The following CWH43 variants were observed in gnomAD, a reference collection of about 807,000 sequenced individuals.
The protein encoded by CWH43 is cell wall biogenesis 43 C-terminal homolog.
CWH43 carries 91 observed loss-of-function variants against 85.7 expected under a neutral mutation model. That is an observed-to-expected ratio of 1.06 (90% CI 0.90 to 1.26). The LOEUF (loss-of-function observed/expected upper bound fraction) is 1.26, where lower values mean the gene tolerates loss of function less well. Among genes scored for constraint, CWH43 ranks in the 50% most tolerant of loss-of-function variants. The pLI is 0.00. For missense variants in CWH43, 869 were observed against 839.2 expected, an observed-to-expected ratio of 1.04 and a Z score of -0.44; for synonymous variants, 323 against 293.6, an observed-to-expected ratio of 1.10 and a Z score of -1.02.
chr4:49,052,247 G>A (rs780125252), intron 15 of CWH43, among the ~76,000 whole-genome samples: 7 of 152,088 alleles, frequency 4.6e-5, no homozygotes, highest in Non-Finnish European at 8.8e-5. Context: ...GAAACCGCGG[G>A]CCTTAGGGTC....
At chr4:49,034,702 C>A (rs1416902359) in intron 12 of CWH43, among the ~76,000 whole-genome samples, 1 of 152,092 alleles carries the variant, frequency 6.6e-6, no homozygotes, top group East Asian at 1.9e-4. Context: ...TGGAATCAGA[C>A]AATCTGGTTT....
At chr4:49,020,101 G>C (rs182679860) in intron 9 of CWH43, among the ~76,000 whole-genome samples, 56 of 152,086 alleles carry the variant, frequency 3.7e-4, no homozygotes, top group African/African-American at 1.3e-3. Flanking sequence ...TTTTGGTGCA[G>C]TCATCACCTG....
chr4:48,988,731 T>A, intron 2 of CWH43, 63 bp downstream of exon 2: 1 of 1,009,706 alleles, frequency 9.9e-7, no homozygotes, highest in Non-Finnish European at 1.4e-6. Flanking sequence ...TGAGATTATG[T>A]AGACTGTTCT....
chr4:48,996,800 C>T (rs1205667067), intron 5 of CWH43, among the ~76,000 whole-genome samples: 1 of 152,180 alleles, frequency 6.6e-6, no homozygotes, highest in Non-Finnish European at 1.5e-5. Flanking sequence ...GAAACTTTCT[C>T]ACATATATAA....
chr4:49,052,674 T>C (rs1784835116), intron 15 of CWH43, among the ~76,000 whole-genome samples: 1 of 152,182 alleles, frequency 6.6e-6, no homozygotes, highest in Admixed American at 6.5e-5. Context: ...CCAAACCAAC[T>C]GTGAAGGGAG....
At chr4:48,995,568 A>T (rs1348572803) in intron 5 of CWH43, among the ~76,000 whole-genome samples, 3 of 152,156 alleles carry the variant, frequency 2.0e-5, no homozygotes, top group Non-Finnish European at 2.9e-5. Context: ...CCCAGCAGGG[A>T]TCTGGGCATA....
At chr4:49,022,964 A>G (rs1411958784) in intron 9 of CWH43, among the ~76,000 whole-genome samples, 1 of 152,054 alleles carries the variant, frequency 6.6e-6, no homozygotes, top group Non-Finnish European at 1.5e-5. Context: ...TCAATTTTAT[A>G]TGTCTTTTCA....
At chr4:49,029,005 G>A (rs1282375463) in intron 10 of CWH43, among the ~76,000 whole-genome samples, 3 of 152,134 alleles carry the variant, frequency 2.0e-5, no homozygotes, top group Admixed American at 1.3e-4. Flanking sequence ...GATTCATGTT[G>A]TGTTTTTGTT....
intron 3 of CWH43, among the ~76,000 whole-genome samples, 166 bp from the exon 4 acceptor site, chr4:48,991,770 T>G (rs1455113061): frequency 6.6e-6 from 1 of 152,144 alleles, no homozygotes; most frequent in African/African-American, 2.4e-5. Flanking sequence ...AACTAAAGAA[T>G]TATAGCAAGT....
Position 48,998,462 on chromosome 4 carries a change from G to T in CWH43, c.716G>T (p.Gly239Val). Residue 239 changes from glycine to valine, a missense_variant and splice_region_variant, in exon 6 of 16, where the codon GGT (glycine) becomes GTT (valine). Gly to Val is a moderately radical substitution (Grantham distance 109). Coordinates refer to ENST00000226432, the MANE Select transcript of CWH43 (RefSeq NM_025087.3). ...HPGPDPNPFG[G>V]AVLLCLASGL... ...TTAGAGCATGTCCTTTTTCACAGAG[G>T]TGCAGTACTGCTGTGCTTGGCAAGT... is the stretch of plus-strand genomic sequence containing the variant. The T allele has an allele frequency of 1.2e-6, 2 of 1,612,040 alleles. No homozygotes were observed. The highest frequency in any genetic ancestry group is 1.3e-5 in the African/African-American group (1 of 74,962).
intron 5 of CWH43, among the ~76,000 whole-genome samples, chr4:48,995,708 A>G (rs1040871225): frequency 2.6e-5 from 4 of 152,146 alleles, no homozygotes. Flanking sequence ...ACCTGAGACC[A>G]AGAGTTTGCC....
At position 49,036,190 on chromosome 4, in the gene CWH43, G is replaced by C. The variant is rs189489890; in HGVS notation, c.1659-1846G>C. ...CCCTGAATGTTGCTCTTCTCCCAAC[G>C]TTTAATCTCCCATTGATGCCTCCGA... On this transcript the variant is annotated intron_variant, in intron 12 of 15. Transcript: ENST00000226432. Among the ~76,000 whole-genome samples, 282 of 152,274 alleles carry C rather than the reference G, an allele frequency of 1.9e-3. 1 individual carries two copies. The highest frequency in any genetic ancestry group is 0.017 in the Middle Eastern group (5 of 292).
chr4:49,030,672 A>G (rs1784066685), intron 10 of CWH43, among the ~76,000 whole-genome samples, 153 bp from the exon 11 acceptor site: 1 of 152,140 alleles, frequency 6.6e-6, no homozygotes, highest in South Asian at 2.1e-4. Context: ...CTCAGATTTG[A>G]GCCACTTCTC....
chr4:49,002,113 G>T (rs1354194522), intron 6 of CWH43, among the ~76,000 whole-genome samples: 1 of 152,030 alleles, frequency 6.6e-6, no homozygotes, highest in Non-Finnish European at 1.5e-5. Flanking sequence ...TTTCCTGAAA[G>T]TTGCTTTCAG....
chr4:49,040,835 T>C (rs1328525688), intron 13 of CWH43, among the ~76,000 whole-genome samples: 13 of 152,302 alleles, frequency 8.5e-5, no homozygotes, highest in Non-Finnish European at 1.8e-4. Context: ...ATGTCCTGAA[T>C]GGTATTGCCT....
intron 9 of CWH43, among the ~76,000 whole-genome samples, chr4:49,023,958 G>T (rs1395698618): frequency 6.6e-6 from 1 of 152,094 alleles, no homozygotes; most frequent in Non-Finnish European, 1.5e-5. Context: ...AGTCCCCACT[G>T]TTACTGTGCT....
intron 14 of CWH43, among the ~76,000 whole-genome samples, chr4:49,048,521 T>C (rs775432955): frequency 5.3e-5 from 8 of 152,120 alleles, no homozygotes; most frequent in South Asian, 4.1e-4. Context: ...TGCAGTTCTG[T>C]AGATTCTAAG....
At chr4:49,022,139 G>T (rs1783768081) in intron 9 of CWH43, among the ~76,000 whole-genome samples, 2 of 152,234 alleles carry the variant, frequency 1.3e-5, no homozygotes, top group African/African-American at 4.8e-5. Context: ...GGTCTCAGGG[G>T]AATGCCTTCA....
At position 48,998,579 on chromosome 4, in the gene CWH43, G is replaced by T; in HGVS notation, c.802+31G>T. ...TGGAATTTACCTGCAGATAGAACAC[G>T]ACTGAGCTTGGTTATCCAGTTTGTT... On this transcript the variant is annotated intron_variant, in intron 6 of 15. Transcript: ENST00000226432. 4 of 1,488,226 alleles carry T rather than the reference G, an allele frequency of 2.7e-6. No individual in the cohort carries two copies. The South Asian group carries it at 4.5e-5, about 17-fold the overall frequency. 92.2% of individuals were successfully genotyped at this position (1,488,226 alleles called of 1,614,324 possible). A position where few individuals can be genotyped will look rare whatever the true frequency, so the allele number is the denominator to read the frequency against.
Sources: gnomAD v4.1 joint callset for allele counts (sites outside exome capture counted in the v4.1 genomes callset) on GRCh38, gnomAD v4.1.1 for gene constraint, MANE v1.5 for transcripts, NCBI Gene and HGNC (gene_info 2026-07-23, HGNC 2026-07-21) for gene names.